The following DPF3 variants were observed in gnomAD, a reference collection of about 807,000 sequenced individuals.
The protein encoded by DPF3 is double PHD fingers 3.
In DPF3, 18 loss-of-function variants were observed where a neutral mutation model predicts 56.8. The observed-to-expected ratio is 0.32, with a 90% CI of 0.22 to 0.47. DPF3 has a LOEUF of 0.47. Ranked by LOEUF, DPF3 falls within the 20% of genes least tolerant of loss-of-function variation. The probability of loss-of-function intolerance (pLI) is 1.00; values close to 1 mark genes in which losing one functional copy is unlikely to be tolerated. For synonymous variants in DPF3, 188 were observed against 180.2 expected, an observed-to-expected ratio of 1.04 and a Z score of -0.35; for missense variants, 403 against 488.8, an observed-to-expected ratio of 0.82 and a Z score of 1.65.
At chr14:72,738,187 G>A (rs1163265060) in intron 3 of DPF3, among the ~76,000 whole-genome samples, 1 of 152,014 alleles carries the variant, frequency 6.6e-6, no homozygotes, top group African/African-American at 2.4e-5. Flanking sequence ...ATGGTGGCAG[G>A]CCCAGGGATC....
chr14:72,704,200 G>C (rs1017139843), intron 6 of DPF3, among the ~76,000 whole-genome samples: 3 of 152,220 alleles, frequency 2.0e-5, no homozygotes, highest in African/African-American at 7.2e-5. Context: ...TGGTGTCTTT[G>C]ATTCCTGATT....
chr14:72,713,801 C>G (rs539186143), intron 6 of DPF3, among the ~76,000 whole-genome samples: 136 of 152,314 alleles, frequency 8.9e-4, no homozygotes, highest in Non-Finnish European at 1.6e-3. Flanking sequence ...ACTCCCCTCC[C>G]GTGGGCTCCC....
intron 8 of DPF3, among the ~76,000 whole-genome samples, chr14:72,665,620 C>T (rs142910327): frequency 1.4e-4 from 22 of 152,182 alleles, no homozygotes; most frequent in Admixed American, 9.2e-4. Context: ...TAACCAGTAT[C>T]GAGGTTGTGA....
intron 1 of DPF3, among the ~76,000 whole-genome samples, chr14:72,876,503 T>TTA (rs1284639768): frequency 6.6e-6 from 1 of 151,924 alleles, no homozygotes; most frequent in Non-Finnish European, 1.5e-5. Context: ...TGGCCCAGGC[T>TTA]TATTTCTCAT....
At chr14:72,777,770 C>A (rs1036175929) in intron 1 of DPF3, among the ~76,000 whole-genome samples, 3 of 152,150 alleles carry the variant, frequency 2.0e-5, no homozygotes, top group Admixed American at 6.5e-5. Context: ...TATCATGTGA[C>A]ATGCCTCCTC....
chr14:72,705,075 G>T (rs2153574575), intron 6 of DPF3, among the ~76,000 whole-genome samples: 2 of 152,220 alleles, frequency 1.3e-5, no homozygotes, highest in Middle Eastern at 3.4e-3. Flanking sequence ...CAACCCCCCG[G>T]GCTATAGACT....
chr14:72,615,191 G>C lies in DPF3; in HGVS notation c.*4106C>G, dbSNP rs1461059649. Among the ~76,000 whole-genome samples the C allele has an allele frequency of 6.6e-6, 1 of 152,164 alleles. No homozygotes were observed. The highest frequency in any genetic ancestry group is 2.4e-5 in the African/African-American group (1 of 41,448). ...CACGACAGGCTAAAAACCAGCCTGG[G>C]GGGCAGGGATGTGGTCCTCAGGGCC... is the stretch of plus-strand genomic sequence containing the variant. On this transcript the variant is annotated 3_prime_UTR_variant, in exon 11 of 11. Coordinates refer to ENST00000556509, the MANE Select transcript of DPF3 (RefSeq NM_001280542.3).
Position 72,609,105 on chromosome 14 carries a change from A to C in DPF3, c.*10192T>G, listed in dbSNP as rs1005929142. Among the ~76,000 whole-genome samples the C allele has an allele frequency of 6.6e-6, 1 of 152,256 alleles. No homozygotes were observed. The highest frequency in any genetic ancestry group is 2.4e-5 in the African/African-American group (1 of 41,466). On this transcript the variant is annotated 3_prime_UTR_variant, in exon 11 of 11. Transcript: ENST00000556509. ...CAAAAGATTCACTACGTGGGTAGTCAACATTGCTAACCAATCACAGAACAA... is the reference window on the plus strand; with the variant it reads ...CAAAAGATTCACTACGTGGGTAGTCCACATTGCTAACCAATCACAGAACAA...
intron 1 of DPF3, among the ~76,000 whole-genome samples, chr14:72,781,739 G>A (rs893927623): frequency 3.3e-5 from 5 of 151,864 alleles, no homozygotes; most frequent in Non-Finnish European, 4.4e-5. Context: ...GGAAGGGGAC[G>A]CTCCGGGGAG....
At chr14:72,742,260 C>G (rs1470531625) in intron 3 of DPF3, among the ~76,000 whole-genome samples, 1 of 152,116 alleles carries the variant, frequency 6.6e-6, no homozygotes, top group Non-Finnish European at 1.5e-5. Context: ...GGTCATTTCC[C>G]CCTGATGCAC....
At chr14:72,655,542 T>C (rs1886039757) in intron 8 of DPF3, among the ~76,000 whole-genome samples, 1 of 152,232 alleles carries the variant, frequency 6.6e-6, no homozygotes, top group African/African-American at 2.4e-5. Flanking sequence ...CATTTTCACC[T>C]GGTGGCCTTT....
chr14:72,695,064 A>G (rs190479454), intron 6 of DPF3, among the ~76,000 whole-genome samples: 109 of 152,340 alleles, frequency 7.2e-4, no homozygotes, highest in African/African-American at 2.6e-3. Context: ...ACTTGAGCTC[A>G]ATCTATAATT....
At chr14:72,657,288 C>A (rs1006010775) in intron 8 of DPF3, among the ~76,000 whole-genome samples, 1 of 152,146 alleles carries the variant, frequency 6.6e-6, no homozygotes, top group Non-Finnish European at 1.5e-5. Context: ...GAAACTCTAC[C>A]ATCTATGTTC....
intron 1 of DPF3, among the ~76,000 whole-genome samples, chr14:72,871,061 C>A (rs1378306939): frequency 1.3e-5 from 2 of 152,154 alleles, no homozygotes; most frequent in African/African-American, 4.8e-5. Flanking sequence ...GAGGAAGAAG[C>A]AGAAGCAGAA....
At chr14:72,729,964 C>G (rs115088521) in intron 4 of DPF3, among the ~76,000 whole-genome samples, 1,556 of 152,252 alleles carry the variant, frequency 0.01, 23 homozygotes, top group African/African-American at 0.035. Flanking sequence ...TCTATTATAG[C>G]AAATGCACCA....
At chr14:72,742,140 C>T (rs1025438871) in intron 3 of DPF3, among the ~76,000 whole-genome samples, 2 of 152,242 alleles carry the variant, frequency 1.3e-5, no homozygotes, top group Non-Finnish European at 2.9e-5. Context: ...CTGCCCACCT[C>T]GCTCCAGCTC....
chr14:72,654,017 A>T (rs1666870485), intron 8 of DPF3, among the ~76,000 whole-genome samples: 1 of 152,208 alleles, frequency 6.6e-6, no homozygotes, highest in African/African-American at 2.4e-5. Flanking sequence ...TGAAAGGTAG[A>T]CAAACCCAAA....
At chr14:72,673,975 G>T (rs78588939) in intron 8 of DPF3, 4 of 419,386 alleles carry the variant, frequency 9.5e-6, no homozygotes, top group Non-Finnish European at 1.7e-5. Flanking sequence ...GTAAAAACAC[G>T]CACAAAGAAA....
chr14:72,754,540 T>C (rs1890710349), intron 2 of DPF3, among the ~76,000 whole-genome samples: 1 of 152,200 alleles, frequency 6.6e-6, no homozygotes, highest in Non-Finnish European at 1.5e-5. Context: ...CAGGTAAATG[T>C]GGCACATGGC....
Sources: gnomAD v4.1 joint callset for allele counts (sites outside exome capture counted in the v4.1 genomes callset) on GRCh38, gnomAD v4.1.1 for gene constraint, MANE v1.5 for transcripts, NCBI Gene and HGNC (gene_info 2026-07-23, HGNC 2026-07-21) for gene names.